The following PC variants were observed in gnomAD, a reference collection of about 807,000 sequenced individuals.
The protein encoded by PC is pyruvate carboxylase, mitochondrial.
Under a neutral mutation model 107.8 loss-of-function variants are expected in PC, and 46 were observed. That is an observed-to-expected ratio of 0.43 (90% confidence interval 0.34 to 0.55). PC has a LOEUF of 0.55. PC is among the 20% of genes least tolerant of loss of function. The probability of loss-of-function intolerance (pLI) is 0.04; values close to 1 mark genes in which losing one functional copy is unlikely to be tolerated. For synonymous variants in PC, 662 were observed against 684.7 expected, an observed-to-expected ratio of 0.97 and a Z score of 0.52; for missense variants, 1,241 against 1,643.1, an observed-to-expected ratio of 0.76 and a Z score of 4.23.
intron 1 of PC, among the ~76,000 whole-genome samples, chr11:66,955,852 A>C (rs1949549226): frequency 6.6e-6 from 1 of 151,476 alleles, no homozygotes; most frequent in Non-Finnish European, 1.5e-5. Flanking sequence ...AGCTTACTGC[A>C]ACCTTCAACT....
chr11:66,939,576 G>A (rs1412596807), intron 3 of PC, among the ~76,000 whole-genome samples: 5 of 151,970 alleles, frequency 3.3e-5, no homozygotes, highest in Admixed American at 6.6e-5. Context: ...AGGCCAAGGC[G>A]GGTGGATCAC....
At chr11:66,856,359 G>A (rs1945826437) in intron 12 of PC, among the ~76,000 whole-genome samples, 1 of 151,170 alleles carries the variant, frequency 6.6e-6, no homozygotes, top group African/African-American at 2.4e-5. Flanking sequence ...CTGGCCCGCG[G>A]GGCGGGCGGG....
chr11:66,917,216 GGC>G (rs1948482681), intron 3 of PC, among the ~76,000 whole-genome samples: 1 of 151,662 alleles, frequency 6.6e-6, no homozygotes, highest in South Asian at 2.1e-4. Flanking sequence ...GGATTACAGG[GGC>G]GCGCCATCAC....
rs748731160 is a variant in PC, at chr11:66,863,891, G to A, written c.1251C>T (p.Val417=). 5 of 1,614,116 alleles carry A rather than the reference G, an allele frequency of 3.1e-6. No individual in the cohort carries two copies. In the South Asian group the frequency reaches 5.5e-5, roughly 18 times the overall value. ...GCAGGGAGTCGTAGTGGGGCGAGATGACGGCTCCTTGGAAGGCGGAAGCAT... is the reference window on the plus strand; with the variant it reads ...GCAGGGAGTCGTAGTGGGGCGAGATAACGGCTCCTTGGAAGGCGGAAGCAT... ...LDNASAFQGA[V]ISPHYDSLLV... is the part of the protein sequence containing the mutation. The change falls in exon 12 of 23, where the codon GTC becomes GTT. Residue 417 remains valine (V), a synonymous_variant. Transcript: ENST00000393960.
intron 3 of PC, among the ~76,000 whole-genome samples, chr11:66,909,917 C>A (rs980386293): frequency 6.6e-6 from 1 of 152,066 alleles, no homozygotes; most frequent in Non-Finnish European, 1.5e-5. Context: ...CGGGTATGAG[C>A]AGAAGGGGAC....
At chr11:66,916,823 A>G (rs1948473532) in intron 3 of PC, among the ~76,000 whole-genome samples, 1 of 151,934 alleles carries the variant, frequency 6.6e-6, no homozygotes. Flanking sequence ...GCGTGGTGGC[A>G]GGCACCTATA....
In PC at chr11:66,857,229, A is replaced by T. The variant is rs1383636363; in HGVS notation, c.1369-3846T>A. The T allele has an allele frequency of 1.3e-5, 2 of 148,514 alleles. No homozygotes were observed. Among genetic ancestry groups the T allele is most frequent in the East Asian group, 4.0e-4 (2 of 4,952 alleles). The allele number at this position is 148,514 out of a possible 1,614,324, so 9.2% of individuals were successfully genotyped here. A position where few individuals can be genotyped will look rare whatever the true frequency, so the allele number is the denominator to read the frequency against. On this transcript the variant is annotated intron_variant, in intron 12 of 22. Transcript: ENST00000393960. This position sits in a 1 kb window ranked among gnomAD's most constrained non-coding sequence, Gnocchi z 7.1. ...GCCTCGTCCCCGCGGGAGAGCGGCC[A>T]GGAGTCGGCGGGGGCCGGCCGGGCT...
chr11:66,849,472 T>C (rs1363145122), intron 21 of PC, 102 bp from the exon 22 acceptor site: 23 of 1,602,852 alleles, frequency 1.4e-5, no homozygotes, highest in Non-Finnish European at 1.9e-5. Context: ...TGGCTCCTCG[T>C]TCCTAAAGGC....
At chr11:66,901,739 C>T (rs1461573329) in intron 3 of PC, among the ~76,000 whole-genome samples, 1 of 152,180 alleles carries the variant, frequency 6.6e-6, no homozygotes, top group Non-Finnish European at 1.5e-5. Flanking sequence ...TCCCAAAGTG[C>T]TAGGATTACA....
intron 3 of PC, among the ~76,000 whole-genome samples, chr11:66,948,539 T>C (rs1949360089): frequency 6.6e-6 from 1 of 152,222 alleles, no homozygotes; most frequent in African/African-American, 2.4e-5. Flanking sequence ...ATCTCAGTAA[T>C]ACTCCAATAA....
chr11:66,908,463 T>C (rs1027541130), intron 3 of PC, among the ~76,000 whole-genome samples: 7 of 152,150 alleles, frequency 4.6e-5, no homozygotes, highest in Non-Finnish European at 8.8e-5. Context: ...GAACATACTA[T>C]GAAACCACCC....
At chr11:66,912,633 C>T (rs1347805023) in intron 3 of PC, among the ~76,000 whole-genome samples, 1 of 152,224 alleles carries the variant, frequency 6.6e-6, no homozygotes, top group Non-Finnish European at 1.5e-5. Flanking sequence ...GTTTCCTCTC[C>T]ACCCTTTCCA....
chr11:66,939,869 A>T (rs992128620), intron 3 of PC, among the ~76,000 whole-genome samples: 15 of 151,274 alleles, frequency 9.9e-5, no homozygotes, highest in Non-Finnish European at 2.9e-5. Flanking sequence ...TCCTGCAGAG[A>T]CACATGAGAA....
At position 66,871,473 on chromosome 11, in the gene PC, T is replaced by C; in HGVS notation, c.329A>G (p.Asn110Ser). The change falls in exon 6 of 23, where the codon AAC becomes AGC. Residue 110 changes from asparagine to serine, a missense_variant. Transcript: ENST00000393960. This position sits in a 1 kb window ranked among gnomAD's most constrained non-coding sequence, Gnocchi z 7.4. ...PDIIKVAKEN[N>S]VDAVHPGYGF... ...GTAGCCAGGGTGCACTGCATCTACGTTGTTCTCCTGCAGGTGGGGGTCAGG... is the reference window on the plus strand; with the variant it reads ...GTAGCCAGGGTGCACTGCATCTACGCTGTTCTCCTGCAGGTGGGGGTCAGG... 6.2e-7 allele frequency: 1 copy of C among 1,613,276 alleles called. No homozygotes were observed. Among genetic ancestry groups the C allele is most frequent in the Non-Finnish European group, 8.5e-7 (1 of 1,180,008 alleles).
chr11:66,852,600 C>T lies in PC; in HGVS notation c.1664G>A (p.Arg555Gln), dbSNP rs148613404. 1.9e-5 allele frequency: 31 copies of T among 1,613,888 alleles called. No homozygotes were observed. The highest frequency in any genetic ancestry group is 5.5e-5 in the South Asian group (5 of 91,084). ...CAGCCCCGGGTGGTTCCGCACAGCT[C>T]GAGCAAAGCCCTCAGGCCCCTCTCG... Reference protein sequence around the residue: ...LLREGPEGFARAVRNHPGLLL... With the variant: ...LLREGPEGFAQAVRNHPGLLL... The change falls in exon 15 of 23, where the codon CGA (arginine) becomes CAA (glutamine). Residue 555 changes from arginine (R) to glutamine (Q), a missense_variant. By Grantham distance (43) the Arg-to-Gln change is conservative. Around this residue, in one of 2 missense-constraint regions of PC, gnomAD observed 1,143 missense variants for 1,551.9 expected, o/e 0.74. Coordinates refer to ENST00000393960, the MANE Select transcript of PC (RefSeq NM_001040716.2). The surrounding 1 kb of genome is among the most constrained non-coding windows in gnomAD (Gnocchi z 4.7).
chr11:66,888,074 C>G (rs2136002180), intron 3 of PC, among the ~76,000 whole-genome samples: 1 of 152,322 alleles, frequency 6.6e-6, no homozygotes, highest in Admixed American at 6.5e-5. Flanking sequence ...CCTGGATGAT[C>G]CGGGATCACC....
chr11:66,872,190 G>A (rs377396390), intron 3 of PC, 31 bp from the exon 4 acceptor site: 82 of 1,563,830 alleles, frequency 5.2e-5, no homozygotes, highest in African/African-American at 5.2e-4. Flanking sequence ...CCAGGTTAGC[G>A]CAGCCTCAGC....
intron 3 of PC, among the ~76,000 whole-genome samples, chr11:66,883,459 C>A (rs1034937568): frequency 6.6e-6 from 1 of 152,166 alleles, no homozygotes; most frequent in Admixed American, 6.5e-5. Flanking sequence ...CTCAGGAATG[C>A]CTTCCCTATA....
intron 3 of PC, among the ~76,000 whole-genome samples, chr11:66,895,831 T>C (rs1416884189): frequency 1.3e-5 from 2 of 152,016 alleles, no homozygotes; most frequent in South Asian, 4.1e-4. Flanking sequence ...ACTCCCAGGA[T>C]AGGACATGAG....
Sources: gnomAD v4.1 joint callset for allele counts (sites outside exome capture counted in the v4.1 genomes callset) on GRCh38, gnomAD v4.1.1 for gene constraint, gnomAD v4.1.1 regional missense constraint, Gnocchi (gnomAD v3.1) non-coding constraint, MANE v1.5 for transcripts, NCBI Gene and HGNC (gene_info 2026-07-23, HGNC 2026-07-21) for gene names.